The following CNTNAP2 variants were observed in gnomAD, a reference collection of about 807,000 sequenced individuals.
CNTNAP2 encodes the protein contactin-associated protein-like 2.
CNTNAP2 carries 98 observed loss-of-function variants against 155.2 expected under a neutral mutation model. The observed-to-expected ratio is 0.63, with a 90% CI of 0.54 to 0.75. The LOEUF (loss-of-function observed/expected upper bound fraction) is 0.75, where lower values mean the gene tolerates loss of function less well. Ranked by LOEUF, CNTNAP2 falls within the 30% of genes least tolerant of loss-of-function variation. The pLI is 0.00. For synonymous variants in CNTNAP2, 651 were observed against 631.2 expected (o/e 1.03, Z -0.47); for missense variants, 1,727 against 1,688.1 (o/e 1.02, Z -0.40).
intron 3 of CNTNAP2, among the ~76,000 whole-genome samples, chr7:146,885,350 A>C (rs1795634916): frequency 6.6e-6 from 1 of 152,162 alleles, no homozygotes; most frequent in Non-Finnish European, 1.5e-5. Flanking sequence ...AAGAAACGAG[A>C]ATACCAGGGA....
chr7:147,367,469 A>G (rs1214942877), intron 9 of CNTNAP2, among the ~76,000 whole-genome samples: 1 of 151,886 alleles, frequency 6.6e-6, no homozygotes, highest in Non-Finnish European at 1.5e-5. Flanking sequence ...TTGATTCTGC[A>G]AAAGAGAACT....
Position 146,883,185 on chromosome 7 carries a change from T to C in CNTNAP2, c.402+43281T>C, listed in dbSNP as rs565112941. On this transcript the variant is annotated intron_variant, in intron 3 of 23. Transcript: ENST00000361727. ...TATTTTAGCCATGGATATGCATTTG[T>C]ACATTGTATTTTTCAAAATTTTTAT... is the stretch of plus-strand genomic sequence containing the variant. 6.8e-4 allele frequency among the ~76,000 whole-genome samples: 104 copies of C among 152,316 alleles called. 1 individual carries two copies. The highest frequency in any genetic ancestry group is 6.8e-3 in the Middle Eastern group (2 of 294).
At chr7:147,025,485 C>G (rs1194824961) in intron 3 of CNTNAP2, among the ~76,000 whole-genome samples, 2 of 5,806 alleles carry the variant, frequency 3.4e-4, no homozygotes, top group African/African-American at 8.9e-4. Context: ...GGGGAGGGGA[C>G]GGGAGGGGAG....
In CNTNAP2 at chr7:147,510,939, A is replaced by T. The variant is rs559700127; in HGVS notation, c.1777+24898A>T. On this transcript the variant is annotated intron_variant, in intron 11 of 23. Coordinates refer to ENST00000361727, the MANE Select transcript of CNTNAP2 (RefSeq NM_014141.6). ...GAACTTGGATACCACCAGTCAATCC[A>T]ACAGTTCTATGTCTATATGGTTTTT... Among the ~76,000 whole-genome samples the T allele has an allele frequency of 6.1e-5, 9 of 146,722 alleles. No individual in the cohort carries two copies. The South Asian group carries it at 1.9e-3, about 32-fold the overall frequency.
intron 1 of CNTNAP2, among the ~76,000 whole-genome samples, chr7:146,193,888 T>C (rs535084214): frequency 1.3e-5 from 2 of 152,308 alleles, no homozygotes; most frequent in African/African-American, 4.8e-5. Context: ...ATGGATACCC[T>C]AAATCATCTC....
chr7:146,416,874 T>C (rs1795945141), intron 1 of CNTNAP2, among the ~76,000 whole-genome samples: 1 of 152,158 alleles, frequency 6.6e-6, no homozygotes, highest in Non-Finnish European at 1.5e-5. Context: ...TTAAAATGCA[T>C]AGCATCTATG....
At chr7:147,110,943 A>G (rs1800865244) in intron 5 of CNTNAP2, among the ~76,000 whole-genome samples, 2 of 152,200 alleles carry the variant, frequency 1.3e-5, no homozygotes, top group African/African-American at 4.8e-5. Context: ...TCTTTGAGGA[A>G]TCTTCACGCT....
At chr7:147,082,395 C>T (rs1243651973) in intron 4 of CNTNAP2, 1 of 152,124 alleles carries the variant, frequency 6.6e-6, no homozygotes, top group Non-Finnish European at 1.5e-5. Context: ...AATGGGCTTG[C>T]AGCATCTGCT....
intron 11 of CNTNAP2, among the ~76,000 whole-genome samples, chr7:147,555,468 A>C (rs1799935205): frequency 6.6e-6 from 1 of 152,250 alleles, no homozygotes; most frequent in Non-Finnish European, 1.5e-5. Context: ...ATAAAAGAGC[A>C]GAAAGGTGAG....
intron 8 of CNTNAP2, among the ~76,000 whole-genome samples, chr7:147,244,898 A>G (rs762541790): frequency 7.2e-5 from 11 of 152,192 alleles, no homozygotes; most frequent in Admixed American, 7.2e-4. Flanking sequence ...ACTCATTTTA[A>G]TAAGCTATAT....
chr7:147,338,964 A>G (rs1317712684), intron 9 of CNTNAP2, among the ~76,000 whole-genome samples: 2 of 152,114 alleles, frequency 1.3e-5, no homozygotes, highest in African/African-American at 4.8e-5. Context: ...AAAAATTAAT[A>G]AAATCATCTT....
chr7:147,049,950 C>T (rs988563252), intron 4 of CNTNAP2, among the ~76,000 whole-genome samples: 1 of 152,122 alleles, frequency 6.6e-6, no homozygotes, highest in Non-Finnish European at 1.5e-5. Context: ...TGGAGAATTT[C>T]GTTCCAGGCC....
intron 14 of CNTNAP2, among the ~76,000 whole-genome samples, chr7:147,920,217 G>A (rs1050698984): frequency 1.7e-4 from 26 of 151,880 alleles, no homozygotes; most frequent in South Asian, 8.3e-4. Context: ...TTAGCTGGGC[G>A]TGGTGGCACA....
At chr7:148,139,104 T>C (rs1236487289) in intron 16 of CNTNAP2, among the ~76,000 whole-genome samples, 1 of 152,238 alleles carries the variant, frequency 6.6e-6, no homozygotes, top group African/African-American at 2.4e-5. Context: ...AGAGAAATAC[T>C]TCTTATACTC....
intron 1 of CNTNAP2, among the ~76,000 whole-genome samples, chr7:146,219,905 A>G (rs1343154518): frequency 6.6e-6 from 1 of 152,180 alleles, no homozygotes; most frequent in Middle Eastern, 3.2e-3. Flanking sequence ...ATAGAATTTT[A>G]GAGGTGGAAG....
At chr7:146,674,481 G>A (rs11773794) in intron 1 of CNTNAP2, among the ~76,000 whole-genome samples, 122,918 of 151,916 alleles carry the variant, frequency 0.81, 50,331 homozygotes, top group South Asian at 0.91. Flanking sequence ...TAAACCTGCT[G>A]AGCCTCTGTC....
intron 3 of CNTNAP2, among the ~76,000 whole-genome samples, chr7:146,904,231 C>T (rs1182792395): frequency 6.6e-6 from 1 of 152,026 alleles, no homozygotes; most frequent in Non-Finnish European, 1.5e-5. Flanking sequence ...GCAAGCACAC[C>T]TCTGCTCAGG....
At chr7:146,952,313 G>T (rs1434625938) in intron 3 of CNTNAP2, among the ~76,000 whole-genome samples, 1 of 152,106 alleles carries the variant, frequency 6.6e-6, no homozygotes, top group African/African-American at 2.4e-5. Flanking sequence ...CAGACCCACA[G>T]CCAATATCAT....
intron 2 of CNTNAP2, among the ~76,000 whole-genome samples, chr7:146,786,611 T>C (rs1802578492): frequency 6.6e-6 from 1 of 152,236 alleles, no homozygotes; most frequent in Non-Finnish European, 1.5e-5. Context: ...CGAATATTGC[T>C]GACAATAAAA....
Sources: allele counts gnomAD v4.1 joint callset (sites outside exome capture counted in the v4.1 genomes callset), GRCh38; gene constraint gnomAD v4.1.1; transcripts MANE v1.5; gene names NCBI Gene and HGNC (gene_info 2026-07-23, HGNC 2026-07-21).